Variants in CARMIL2 observed in about 807,000 individuals in gnomAD.
The protein encoded by CARMIL2 is capping protein, Arp2/3 and myosin-I linker protein 2.
A neutral mutation model predicts 173.3 loss-of-function variants in CARMIL2; 96 were observed. The ratio of observed to expected loss-of-function variants is 0.55; its 90% CI spans 0.47 to 0.66. CARMIL2 has a LOEUF of 0.66. Among genes scored for constraint, CARMIL2 ranks in the 30% least tolerant of loss-of-function variants. The probability of loss-of-function intolerance (pLI) is 0.00; values close to 1 mark genes in which losing one functional copy is unlikely to be tolerated. For missense variants in CARMIL2, 1,771 were observed against 1,906.7 expected, an observed-to-expected ratio of 0.93 and a Z score of 1.33; for synonymous variants, 830 against 817.1, an observed-to-expected ratio of 1.02 and a Z score of -0.27.
In CARMIL2 at chr16:67,649,881, C is replaced by T. The variant is rs1765919168; in HGVS notation, c.1995C>T (p.His665=). 1 of 1,612,852 alleles carries T rather than the reference C, an allele frequency of 6.2e-7. No individual in the cohort carries two copies. Among genetic ancestry groups the T allele is most frequent in the Admixed American group, 1.7e-5 (1 of 60,006 alleles). ...LDVAQALEQN[H]SLKAMPLPLN... ...TGGCGCAGGCGCTGGAGCAGAACCA[C>T]AGCCTGAAGGCCATGCCTCTGCCAC... The change falls in exon 21 of 38, where the codon CAC becomes CAT. Residue 665 remains histidine (H), a synonymous_variant. Transcript: ENST00000334583. This position sits in a 1 kb window ranked among gnomAD's most constrained non-coding sequence, Gnocchi z 6.7.
Position 67,657,267 on chromosome 16 carries a change from C to G in CARMIL2, c.4146C>G (p.Pro1382=). The G allele has an allele frequency of 6.2e-7, 1 of 1,613,822 alleles. No individual in the cohort carries two copies. Residue 1382 remains proline, a synonymous_variant, in exon 37 of 38, where the codon CCC becomes CCG. Coordinates refer to ENST00000334583, the MANE Select transcript of CARMIL2 (RefSeq NM_001013838.3). This position sits in a 1 kb window ranked among gnomAD's most constrained non-coding sequence, Gnocchi z 4.5. ...GGCCCCTGAGGCTGCAGCGCTCCCC[C>G]GTCCTCAAACGCAGGCCAAAACTCG... ...AERPLRLQRS[P]VLKRRPKLEA...
rs1348518749 is a variant in CARMIL2, at chr16:67,653,495, G to T, written c.3120+241G>T. On this transcript the variant is annotated intron_variant, in intron 29 of 37. Coordinates refer to ENST00000334583, the MANE Select transcript of CARMIL2 (RefSeq NM_001013838.3). The surrounding 1 kb of genome is among the most constrained non-coding windows in gnomAD (Gnocchi z 7.4). ...GTGCCTGGGTGTGGGACTCCGTCTC[G>T]GGGCGGCCCGCGGCCTCCGTGGCTG... Among the ~76,000 whole-genome samples, 1 of 152,044 alleles carries T rather than the reference G, an allele frequency of 6.6e-6. No individual in the cohort carries two copies. The highest frequency in any genetic ancestry group is 6.5e-5 in the Admixed American group (1 of 15,276).
chr16:67,652,014 G>A lies in CARMIL2; in HGVS notation c.2676+6G>A, dbSNP rs1440754370. The A allele has an allele frequency of 6.2e-7, 1 of 1,613,264 alleles. No individual in the cohort carries two copies. Among genetic ancestry groups the A allele is most frequent in the Non-Finnish European group, 8.5e-7 (1 of 1,179,690 alleles). On this transcript the variant is annotated splice_donor_region_variant and intron_variant, in intron 26 of 37. Coordinates refer to ENST00000334583, the MANE Select transcript of CARMIL2 (RefSeq NM_001013838.3). The surrounding 1 kb of genome is among the most constrained non-coding windows in gnomAD (Gnocchi z 4.7). ...GTGCAGCCCGGGATCAGCTGGTGAG[G>A]GGGAGATGTGCACACACTTTCGTGC...
In CARMIL2 at chr16:67,651,447, G is replaced by A. The variant is rs2142933428; in HGVS notation, c.2360G>A (p.Trp787Ter). 6.3e-7 allele frequency: 1 copy of A among 1,597,252 alleles called. No individual in the cohort carries two copies. Among genetic ancestry groups the A allele is most frequent in the Non-Finnish European group, 8.5e-7 (1 of 1,170,462 alleles). The change falls in exon 24 of 38, where the codon TGG (tryptophan) becomes TAG (stop). Residue 787 changes from tryptophan to a stop codon, truncating the protein, a stop_gained. Coordinates refer to ENST00000334583, the MANE Select transcript of CARMIL2 (RefSeq NM_001013838.3). LOFTEE classifies it high-confidence loss of function. The surrounding 1 kb of genome is among the most constrained non-coding windows in gnomAD (Gnocchi z 4.2). ...GCTGGAAGCTCCCCAAGCCATCACT[G>A]GCAGCTTGGGCAGAAGCTGGAGGGC... ...YEAGSSPSHHWQLGQKLEGLL... is the reference protein window; with the variant it reads ...YEAGSSPSHH
At position 67,653,918 on chromosome 16, in the gene CARMIL2, C is replaced by T. The variant is rs2052778274; in HGVS notation, c.3121-231C>T. On this transcript the variant is annotated intron_variant, in intron 29 of 37. Transcript: ENST00000334583. The surrounding 1 kb of genome is among the most constrained non-coding windows in gnomAD (Gnocchi z 7.4). ...CGGGCGTGTAGGATACTCTGTGGGA[C>T]AAGGACGGGTGTGGACTGGGTGTGC... is the stretch of plus-strand genomic sequence containing the variant. Among the ~76,000 whole-genome samples, 3 of 152,036 alleles carry T rather than the reference C, an allele frequency of 2.0e-5. No individual in the cohort carries two copies. Among genetic ancestry groups the T allele is most frequent in the Admixed American group, 2.0e-4 (3 of 15,278 alleles).
In CARMIL2 at chr16:67,649,339, C is replaced by G; in HGVS notation, c.1746+28C>G. On this transcript the variant is annotated intron_variant, in intron 19 of 37. Transcript: ENST00000334583. The surrounding 1 kb of genome is among the most constrained non-coding windows in gnomAD (Gnocchi z 6.7). The stretch of plus-strand genomic sequence containing the variant: ...GAGTTCACGGGACCTTGCAGGGCCT[C>G]GGGCAATTAGACCACTTTGGTCCTC... 1 of 1,609,994 alleles carries G rather than the reference C, an allele frequency of 6.2e-7. No individual in the cohort carries two copies. Among genetic ancestry groups the G allele is most frequent in the Middle Eastern group, 1.7e-4 (1 of 6,060 alleles).
chr16:67,646,824 G>T lies in CARMIL2; in HGVS notation c.537+40G>T. ...CTTTTGAAGGGCTCTGGAGACATCTGGTCCCCCATGTGTGCTGAGCCCCTC... is the reference window on the plus strand; with the variant it reads ...CTTTTGAAGGGCTCTGGAGACATCTTGTCCCCCATGTGTGCTGAGCCCCTC... On this transcript the variant is annotated intron_variant, in intron 7 of 37. Coordinates refer to ENST00000334583, the MANE Select transcript of CARMIL2 (RefSeq NM_001013838.3). This position sits in a 1 kb window ranked among gnomAD's most constrained non-coding sequence, Gnocchi z 4.6. 1 of 1,612,088 alleles carries T rather than the reference G, an allele frequency of 6.2e-7. No individual in the cohort carries two copies. The highest frequency in any genetic ancestry group is 1.7e-4 in the Middle Eastern group (1 of 6,052).
chr16:67,646,210 C>A lies in CARMIL2; in HGVS notation c.274C>A (p.Arg92Ser), dbSNP rs749872588. 11 of 1,613,818 alleles carry A rather than the reference C, an allele frequency of 6.8e-6. No individual in the cohort carries two copies. Among genetic ancestry groups the A allele is most frequent in the Non-Finnish European group, 7.6e-6 (9 of 1,179,876 alleles). Residue 92 changes from arginine (R) to serine (S), a missense_variant, in exon 5 of 38, where the codon CGT becomes AGT. Arg to Ser is a moderately radical substitution (Grantham distance 110). Coordinates refer to ENST00000334583, the MANE Select transcript of CARMIL2 (RefSeq NM_001013838.3). This position sits in a 1 kb window ranked among gnomAD's most constrained non-coding sequence, Gnocchi z 4.6. ...GGTCACCTTTGAGCTGGAGTCCCTG[C>A]GTGAGCTGGTCCTGGAGTTTCCTGG... ...PQVTFELESL[R>S]ELVLEFPGVA... is the part of the protein sequence containing the mutation.
chr16:67,653,360 C>T lies in CARMIL2; in HGVS notation c.3120+106C>T. 2.5e-6 allele frequency: 1 copy of T among 399,796 alleles called. No individual in the cohort carries two copies. Among genetic ancestry groups the T allele is most frequent in the Non-Finnish European group, 3.5e-6 (1 of 281,746 alleles). The allele number at this position is 399,796 out of a possible 1,614,324, so 24.8% of individuals were successfully genotyped here. On this transcript the variant is annotated intron_variant, in intron 29 of 37. Coordinates refer to ENST00000334583, the MANE Select transcript of CARMIL2 (RefSeq NM_001013838.3). This position sits in a 1 kb window ranked among gnomAD's most constrained non-coding sequence, Gnocchi z 7.4. Reference sequence around the variant, plus strand: ...TCAAGGAGAGGGGGTGGTGGGGGCCCAAGGCCACCTGGTCGTGCGGCCGCG... The same window carrying T: ...TCAAGGAGAGGGGGTGGTGGGGGCCTAAGGCCACCTGGTCGTGCGGCCGCG...
At position 67,647,886 on chromosome 16, in the gene CARMIL2, C is replaced by T; in HGVS notation, c.999C>T (p.Ala333=). 5 of 1,611,516 alleles carry T rather than the reference C, an allele frequency of 3.1e-6. No homozygotes were observed. Among genetic ancestry groups the T allele is most frequent in the South Asian group, 2.2e-5 (2 of 90,764 alleles). The change falls in exon 13 of 38, where the codon GCC becomes GCT. Residue 333 remains alanine, a synonymous_variant. Coordinates refer to ENST00000334583, the MANE Select transcript of CARMIL2 (RefSeq NM_001013838.3). ...GCCGGGCACTGGCCACCAATGCCGC[C>T]TTCGACTCCACCCTGACCCACCTGG... is the stretch of plus-strand genomic sequence containing the variant. ...ALGRALATNA[A]FDSTLTHLDL... is the part of the protein sequence containing the mutation.
chr16:67,646,392 G>A lies in CARMIL2; in HGVS notation c.375-34G>A, dbSNP rs765773376. The A allele has an allele frequency of 1.2e-6, 2 of 1,608,416 alleles. No homozygotes were observed. Among genetic ancestry groups the A allele is most frequent in the South Asian group, 2.2e-5 (2 of 90,646 alleles). ...CTGCTTCCCATCCCAGAGGCTGGAA[G>A]TCCTTTGCCCCCTTCTCCTTAACCC... On this transcript the variant is annotated intron_variant, in intron 5 of 37. Transcript: ENST00000334583. The surrounding 1 kb of genome is among the most constrained non-coding windows in gnomAD (Gnocchi z 4.6).
rs1313299433 is a variant in CARMIL2 at position 67,650,159 on chromosome 16, C to T, written c.2184+9C>T. Reference sequence around the variant, plus strand: ...CAGACCCCTCAGAGCAGGTCAATGTCCCCTCCCCAACCACGAGAGGTAGGG... The same window carrying T: ...CAGACCCCTCAGAGCAGGTCAATGTTCCCTCCCCAACCACGAGAGGTAGGG... On this transcript the variant is annotated intron_variant, in intron 22 of 37. Transcript: ENST00000334583. 1.2e-6 allele frequency: 2 copies of T among 1,605,122 alleles called. No individual in the cohort carries two copies. The highest frequency in any genetic ancestry group is 1.7e-6 in the Non-Finnish European group (2 of 1,176,020).
At position 67,648,966 on chromosome 16, in the gene CARMIL2, C is replaced by T. The variant is rs760760739; in HGVS notation, c.1583C>T (p.Ala528Val). 6 of 1,608,580 alleles carry T rather than the reference C, an allele frequency of 3.7e-6. No individual in the cohort carries two copies. Among genetic ancestry groups the T allele is most frequent in the Non-Finnish European group, 5.1e-6 (6 of 1,177,802 alleles). Residue 528 changes from alanine to valine, a missense_variant, in exon 17 of 38, where the codon GCG (alanine) becomes GTG (valine). Physicochemically the swap from Ala to Val is moderately conservative, Grantham distance 64 (BLOSUM62 0). Around this residue, in one of 3 missense-constraint regions of CARMIL2, gnomAD observed 944 missense variants for 975.6 expected, o/e 0.97. Coordinates refer to ENST00000334583, the MANE Select transcript of CARMIL2 (RefSeq NM_001013838.3). The surrounding 1 kb of genome is among the most constrained non-coding windows in gnomAD (Gnocchi z 6.1). Reference sequence around the variant, plus strand: ...GGCGCTGTGAGCTCCCTGGATCTGGCGGATAACGGTGAGGCTGCAGGAGAG... The same window carrying T: ...GGCGCTGTGAGCTCCCTGGATCTGGTGGATAACGGTGAGGCTGCAGGAGAG... The part of the protein sequence containing the change: ...DAGAVSSLDL[A>V]DNGFGSDMVT...
rs1428355296 is a variant in CARMIL2, at chr16:67,648,150, G to T, written c.1170G>T (p.Gly390=). The change falls in exon 14 of 38, where the codon GGG becomes GGT. Residue 390 remains glycine, a synonymous_variant. Transcript: ENST00000334583. This position sits in a 1 kb window ranked among gnomAD's most constrained non-coding sequence, Gnocchi z 6.1. ...ACACTGTGAGGGGGTGCTCCGTGGG[G>T]GGATGGATGACCGGCAGGGCGGACT... ...ALDTVRGCSV[G]GWMTGRADWR... 3.7e-6 allele frequency: 6 copies of T among 1,612,356 alleles called. No homozygotes were observed. The highest frequency in any genetic ancestry group is 5.1e-6 in the Non-Finnish European group (6 of 1,179,400).
At position 67,647,168 on chromosome 16, in the gene CARMIL2, C is replaced by T. The variant is rs2052608949; in HGVS notation, c.664C>T (p.Leu222Phe). 2 of 1,613,878 alleles carry T rather than the reference C, an allele frequency of 1.2e-6. No individual in the cohort carries two copies. Among genetic ancestry groups the T allele is most frequent in the East Asian group, 2.2e-5 (1 of 44,872 alleles). The change falls in exon 9 of 38, where the codon CTC (leucine) becomes TTC (phenylalanine). Residue 222 changes from leucine to phenylalanine, a missense_variant. Physicochemically the swap from Leu to Phe is conservative, Grantham distance 22. This residue lies in a region of CARMIL2 where 944 missense variants were observed against 975.6 expected (regional missense o/e 0.97). Transcript: ENST00000334583. ...ALSYNLWFRC[L>F]SCVDMKLSLE... ...GTCCTACAACCTGTGGTTCCGGTGC[C>T]TCTCCTGTGTGGACATGAAGCTGGT...
Position 67,648,480 on chromosome 16 carries a change from A to G in CARMIL2, c.1417A>G (p.Lys473Glu). The change falls in exon 15 of 38, where the codon AAG becomes GAG. Residue 473 changes from lysine to glutamate, a missense_variant. This residue lies in a region of CARMIL2 where 944 missense variants were observed against 975.6 expected (regional missense o/e 0.97). Transcript: ENST00000334583. The surrounding 1 kb of genome is among the most constrained non-coding windows in gnomAD (Gnocchi z 6.1). ...TLRHLGLAGC[K>E]LPPDALRALL... ...GCGGCACCTGGGCCTGGCGGGCTGC[A>G]AGCTGCCGCCCGACGCGCTCAGGTC... The G allele has an allele frequency of 7.0e-7, 1 of 1,436,476 alleles. No homozygotes were observed. The allele number at this position is 1,436,476 out of a possible 1,614,324, so 89.0% of individuals were successfully genotyped here.
At position 67,651,373 on chromosome 16, in the gene CARMIL2, G is replaced by A. The variant is rs536464389; in HGVS notation, c.2314-28G>A. The A allele has an allele frequency of 1.7e-5, 28 of 1,600,606 alleles. No homozygotes were observed. Among genetic ancestry groups the A allele is most frequent in the Middle Eastern group, 1.7e-4 (1 of 6,018 alleles). ...TCCCCTCTTAGTCAGGTGTCAGCTC[G>A]CAACTGCTTTTCCTCTTTGGCCCTC... is the stretch of plus-strand genomic sequence containing the variant. On this transcript the variant is annotated intron_variant, in intron 23 of 37. Transcript: ENST00000334583. This position sits in a 1 kb window ranked among gnomAD's most constrained non-coding sequence, Gnocchi z 4.2.
chr16:67,650,279 G>A, intron 22 of CARMIL2, 129 bp downstream of exon 22: 2 of 715,332 alleles, frequency 2.8e-6, no homozygotes, highest in South Asian at 1.7e-5. Context: ...CCCACACAAA[G>A]TCCCTCTCCT....
At position 67,645,725 on chromosome 16, in the gene CARMIL2, C is replaced by T; in HGVS notation, c.134C>T (p.Ala45Val). ...GEGAVQNHVL[A>V]LLRWRAYLLH... ...GGATATCAGACTGTCTTTCCCCAGG[C>T]ACTGCTACGATGGAGAGCCTACCTG... Residue 45 changes from alanine (A) to valine (V), a missense_variant and splice_region_variant, in exon 3 of 38, where the codon GCA (alanine) becomes GTA (valine). Transcript: ENST00000334583. 1 of 1,613,422 alleles carries T rather than the reference C, an allele frequency of 6.2e-7. No homozygotes were observed. The highest frequency in any genetic ancestry group is 2.2e-5 in the East Asian group (1 of 44,888).
Sources: gnomAD v4.1 joint callset for allele counts (sites outside exome capture counted in the v4.1 genomes callset) on GRCh38, gnomAD v4.1.1 for gene constraint, gnomAD v4.1.1 regional missense constraint, Gnocchi (gnomAD v3.1) non-coding constraint, MANE v1.5 for transcripts, NCBI Gene and HGNC (gene_info 2026-07-23, HGNC 2026-07-21) for gene names.